The following CD109 variants were observed in gnomAD, a reference collection of about 807,000 sequenced individuals.
CD109 encodes CD109 antigen.
A neutral mutation model predicts 165.8 loss-of-function variants in CD109; 149 were observed. The observed-to-expected ratio is 0.90, with a 90% CI of 0.79 to 1.03. The LOEUF (loss-of-function observed/expected upper bound fraction) is 1.03, where lower values mean the gene tolerates loss of function less well. Among genes scored for constraint, CD109 ranks in the 50% least tolerant of loss-of-function variants. CD109 has a pLI of 0.00. For missense variants in CD109, 1,712 were observed against 1,677.8 expected (o/e 1.02, Z -0.36); for synonymous variants, 585 against 592.1 (o/e 0.99, Z 0.18).
intron 3 of CD109, among the ~76,000 whole-genome samples, chr6:73,726,401 T>C (rs1475223111): frequency 1.3e-5 from 2 of 152,238 alleles, no homozygotes; most frequent in East Asian, 3.8e-4. Flanking sequence ...GGAGTGGTTT[T>C]ATTTGATTAG....
rs375542176 is a variant in CD109, at chr6:73,792,601, T to A, written c.2702-25T>A. 23 of 1,609,536 alleles carry A rather than the reference T, an allele frequency of 1.4e-5. No individual in the cohort carries two copies. In the African/African-American group the frequency reaches 2.9e-4, roughly 21 times the overall value. ...TCGTTGTTACTGAGTATTTACTGAA[T>A]GAACTGCATGTCTTGTGCTTCCAGG... On this transcript the variant is annotated intron_variant, in intron 22 of 32. Transcript: ENST00000287097.
At chr6:73,684,056 T>G in the CD109 span, among the ~76,000 whole-genome samples, 1 of 152,208 alleles carries the variant, frequency 6.6e-6, no homozygotes. Flanking sequence ...TTGGCTATTG[T>G]GAACAATGGT....
chr6:73,728,150 T>G (rs1272059580), intron 3 of CD109, among the ~76,000 whole-genome samples: 1 of 152,006 alleles, frequency 6.6e-6, no homozygotes, highest in Non-Finnish European at 1.5e-5. Flanking sequence ...GTAAAACCTT[T>G]TCTCTACTAA....
intron 13 of CD109, among the ~76,000 whole-genome samples, 162 bp from the exon 14 acceptor site, chr6:73,767,893 G>T (rs1267509163): frequency 6.6e-6 from 1 of 152,006 alleles, no homozygotes; most frequent in Non-Finnish European, 1.5e-5. Context: ...CTCAGTGTAT[G>T]CTCTCTGTGT....
intron 23 of CD109, among the ~76,000 whole-genome samples, chr6:73,796,635 C>T (rs1562074693): frequency 1.3e-5 from 2 of 152,166 alleles, no homozygotes; most frequent in Admixed American, 6.6e-5. Flanking sequence ...CTCAATAAAT[C>T]CAGAATGGGC....
chr6:73,733,774 A>G (rs1376341609), intron 4 of CD109, among the ~76,000 whole-genome samples: 1 of 152,178 alleles, frequency 6.6e-6, no homozygotes, highest in African/African-American at 2.4e-5. Flanking sequence ...TGAAGAAGCT[A>G]CCTTATTTGA....
intron 32 of CD109, among the ~76,000 whole-genome samples, chr6:73,821,577 T>G (rs1776108566): frequency 6.6e-6 from 1 of 152,192 alleles, no homozygotes; most frequent in African/African-American, 2.4e-5. Flanking sequence ...TGCAGCAACA[T>G]GGATGCAGCT....
rs1773510458 is a variant in CD109, at chr6:73,759,013, G to A, written c.743G>A (p.Gly248Asp). 6 of 1,598,666 alleles carry A rather than the reference G, an allele frequency of 3.8e-6. No homozygotes were observed. Among genetic ancestry groups the A allele is most frequent in the African/African-American group, 1.3e-5 (1 of 74,626 alleles). Residue 248 changes from glycine to aspartate, a missense_variant, in exon 7 of 33, where the codon GGT becomes GAT. Transcript: ENST00000287097. Reference sequence around the variant, plus strand: ...TCTATGAATTCTAAGCATTTAAATGGTACCATCACGGCAAAGTAAGTGTCA... The same window carrying A: ...TCTATGAATTCTAAGCATTTAAATGATACCATCACGGCAAAGTAAGTGTCA... ...YCSMNSKHLN[G>D]TITAKYTYGK...
At chr6:73,682,634 AG>A in the CD109 span, among the ~76,000 whole-genome samples, 1 of 152,224 alleles carries the variant, frequency 6.6e-6, no homozygotes, top group South Asian at 2.1e-4. Flanking sequence ...GTGACCCAGT[AG>A]GGAATCTGTG....
intron 2 of CD109, among the ~76,000 whole-genome samples, chr6:73,719,657 A>G (rs1771872287): frequency 6.6e-6 from 1 of 152,214 alleles, no homozygotes; most frequent in Non-Finnish European, 1.5e-5. Flanking sequence ...TGAGATCAGA[A>G]CAAATTCTGC....
chr6:73,787,368 A>G lies in CD109; in HGVS notation c.2472A>G (p.Pro824=). Residue 824 remains proline, a synonymous_variant, in exon 21 of 33, where the codon CCA becomes CCG. Coordinates refer to ENST00000287097, the MANE Select transcript of CD109 (RefSeq NM_133493.5). ...CAACTGTTCTTTTTCCCATCAGGCC[A>G]ACACATCTGGGAGAAATTCCTATCA... is the stretch of plus-strand genomic sequence containing the variant. The part of the protein sequence containing the change: ...DGATVLFPIR[P]THLGEIPITV... 1 of 1,614,156 alleles carries G rather than the reference A, an allele frequency of 6.2e-7. No homozygotes were observed. The highest frequency in any genetic ancestry group is 1.1e-5 in the South Asian group (1 of 91,074).
chr6:73,820,475 G>A lies in CD109; in HGVS notation c.4074G>A (p.Gln1358=). ...NLYLDSVNET[Q]FCVNIPAVRN... ...TATTTCTCAAGGTAAATGAAACCCA[G>A]TTTTGTGTTAATATTCCTGCTGTGA... The change falls in exon 32 of 33, where the codon CAG becomes CAA. Residue 1358 remains glutamine (Q), a synonymous_variant. Transcript: ENST00000287097. The A allele has an allele frequency of 6.2e-7, 1 of 1,607,996 alleles. No homozygotes were observed. The highest frequency in any genetic ancestry group is 8.5e-7 in the Non-Finnish European group (1 of 1,175,568).
chr6:73,705,176 T>C lies in CD109; in HGVS notation c.247+7604T>C, dbSNP rs370603513. Among the ~76,000 whole-genome samples the C allele has an allele frequency of 7.2e-5, 11 of 152,300 alleles. No homozygotes were observed. The East Asian group carries it at 7.7e-4, about 11-fold the overall frequency. On this transcript the variant is annotated intron_variant, in intron 2 of 32. Transcript: ENST00000287097. ...TTGGGGAGACATCCAGGTGGAGATG[T>C]CCAGCAGATAGTTTTGAAATTGCAG...
At chr6:73,747,916 T>C (rs377672778) in intron 5 of CD109, among the ~76,000 whole-genome samples, 38 of 151,966 alleles carry the variant, frequency 2.5e-4, no homozygotes, top group African/African-American at 8.9e-4. Context: ...GACAGAGTCT[T>C]GCTCTGTCAC....
intron 2 of CD109, among the ~76,000 whole-genome samples, chr6:73,702,125 G>A (rs781441933): frequency 1.3e-5 from 2 of 152,014 alleles, no homozygotes; most frequent in Non-Finnish European, 2.9e-5. Flanking sequence ...TCTGTAACTC[G>A]CTTTTTCTTT....
intron 29 of CD109, among the ~76,000 whole-genome samples, chr6:73,814,455 T>G (rs61559613): frequency 3.9e-5 from 6 of 152,178 alleles, no homozygotes; most frequent in Admixed American, 2.6e-4. Context: ...GAGTAGATGC[T>G]GAGAAAGACC....
chr6:73,814,111 T>C (rs1055074958), intron 29 of CD109, among the ~76,000 whole-genome samples: 2 of 152,096 alleles, frequency 1.3e-5, no homozygotes, highest in Non-Finnish European at 2.9e-5. Context: ...TTAGAGGATT[T>C]TTTTAAGTAT....
intron 4 of CD109, among the ~76,000 whole-genome samples, chr6:73,732,111 G>C (rs1421601843): frequency 6.6e-6 from 1 of 152,196 alleles, no homozygotes; most frequent in African/African-American, 2.4e-5. Context: ...TAACATCCCA[G>C]TCTGCCTGGG....
At position 73,810,156 on chromosome 6, in the gene CD109, T is replaced by A. The variant is rs748505170; in HGVS notation, c.3528T>A (p.Gly1176=). Residue 1176 remains glycine, a synonymous_variant, in exon 27 of 33, where the codon GGT becomes GGA. Transcript: ENST00000287097. ...TAAGCAGGCAAAGAAATAGCTTGGG[T>A]GGTTTTGCATCTACTCAGGTGAGAG... is the stretch of plus-strand genomic sequence containing the variant. The part of the protein sequence containing the change: ...RWLSRQRNSL[G]GFASTQDTTV... 1 of 1,600,190 alleles carries A rather than the reference T, an allele frequency of 6.2e-7. No individual in the cohort carries two copies. The highest frequency in any genetic ancestry group is 2.3e-5 in the East Asian group (1 of 43,998).
Sources: allele counts gnomAD v4.1 joint callset (sites outside exome capture counted in the v4.1 genomes callset), GRCh38; gene constraint gnomAD v4.1.1; transcripts MANE v1.5; gene names NCBI Gene and HGNC (gene_info 2026-07-23, HGNC 2026-07-21).